The following NDE1 variants were observed in gnomAD, a reference collection of about 807,000 sequenced individuals.
NDE1 encodes nudE neurodevelopment protein 1, also known as nuclear distribution protein nudE homolog 1.
Under a neutral mutation model 43.4 loss-of-function variants are expected in NDE1, and 28 were observed. The observed-to-expected ratio is 0.65, with a 90% CI of 0.48 to 0.89. NDE1 has a LOEUF of 0.89. Ranked by LOEUF, NDE1 falls within the 40% of genes least tolerant of loss-of-function variation. NDE1 has a pLI of 0.00. For synonymous variants in NDE1, 184 were observed against 172.0 expected, an observed-to-expected ratio of 1.07 and a Z score of -0.55; for missense variants, 441 against 434.1, an observed-to-expected ratio of 1.02 and a Z score of -0.14.
chr16:15,675,407 C>T (rs982560306), intron 3 of NDE1, among the ~76,000 whole-genome samples: 3 of 148,442 alleles, frequency 2.0e-5, no homozygotes, highest in African/African-American at 5.0e-5. Context: ...GCCATGTTGC[C>T]AGGCTGGTGA....
intron 3 of NDE1, 31 bp downstream of exon 3, chr16:15,667,470 G>A (rs765597341): frequency 6.2e-7 from 1 of 1,612,194 alleles, no homozygotes; most frequent in Non-Finnish European, 8.5e-7. Flanking sequence ...GTGCTCAGGT[G>A]TAGACAGGCG....
At chr16:15,717,473 C>A in intron 8 of NDE1, 1 of 931,564 alleles carries the variant, frequency 1.1e-6, no homozygotes, top group Non-Finnish European at 1.6e-6. Context: ...ACCCTGTCCT[C>A]TCCTTCATCC....
intron 4 of NDE1, chr16:15,686,454 C>G (rs2038444069): frequency 3.0e-6 from 3 of 985,366 alleles, no homozygotes; most frequent in Non-Finnish European, 3.6e-6. Flanking sequence ...AGCAGGGCAG[C>G]TGGGCTGGTA....
At chr16:15,718,018 A>G (rs1333749702) in intron 8 of NDE1, 2 of 495,396 alleles carry the variant, frequency 4.0e-6, no homozygotes, top group East Asian at 3.8e-5. Flanking sequence ...GCTAGGGGAA[A>G]ACGCAATGAA....
At chr16:15,722,294 A>C (rs929197967) in intron 8 of NDE1, among the ~76,000 whole-genome samples, 1 of 152,200 alleles carries the variant, frequency 6.6e-6, no homozygotes, top group Non-Finnish European at 1.5e-5. Context: ...TATCTTACAA[A>C]AGTATCCTAA....
At chr16:15,687,964 C>T (rs1339882669) in intron 5 of NDE1, among the ~76,000 whole-genome samples, 1 of 151,976 alleles carries the variant, frequency 6.6e-6, no homozygotes, top group Non-Finnish European at 1.5e-5. Context: ...CTCTTGAGCC[C>T]AGGAGTTTGA....
At position 15,691,333 on chromosome 16, in the gene NDE1, G is replaced by A. The variant is rs760671630; in HGVS notation, c.703+10G>A. On this transcript the variant is annotated intron_variant, in intron 6 of 8. Coordinates refer to ENST00000396354, the MANE Select transcript of NDE1 (RefSeq NM_017668.3). Reference sequence around the variant, plus strand: ...GGGAGCTTCAGACGTGGTAAGGGGAGTGGGAATTGCAGGATTTTCTCGGTT... The same window carrying A: ...GGGAGCTTCAGACGTGGTAAGGGGAATGGGAATTGCAGGATTTTCTCGGTT... 15 of 1,613,710 alleles carry A rather than the reference G, an allele frequency of 9.3e-6. No individual in the cohort carries two copies. Among genetic ancestry groups the A allele is most frequent in the Admixed American group, 3.3e-5 (2 of 59,928 alleles).
At chr16:15,667,589 C>A in intron 3 of NDE1, 150 bp downstream of exon 3, 12 of 742,992 alleles carry the variant, frequency 1.6e-5, no homozygotes, top group Non-Finnish European at 2.4e-5. Context: ...CAGACGTGAT[C>A]TTTGAACTCT....
At chr16:15,704,261 C>A in intron 8 of NDE1, 1 of 918,612 alleles carries the variant, frequency 1.1e-6, no homozygotes, top group Non-Finnish European at 1.7e-6. Flanking sequence ...ACACACACGG[C>A]ACAAATAAGA....
intron 8 of NDE1, among the ~76,000 whole-genome samples, chr16:15,699,294 C>G (rs116184504): frequency 0.017 from 2,497 of 148,298 alleles, 72 homozygotes; most frequent in African/African-American, 0.059. Flanking sequence ...GGGTCTCACT[C>G]TGTCACCCAG....
intron 8 of NDE1, among the ~76,000 whole-genome samples, chr16:15,707,967 A>C (rs1187919778): frequency 6.6e-6 from 1 of 151,046 alleles, no homozygotes; most frequent in African/African-American, 2.5e-5. Flanking sequence ...CTCAAAAAAA[A>C]AAAAAAAAAA....
chr16:15,690,284 C>T (rs1397411436), intron 5 of NDE1, among the ~76,000 whole-genome samples: 1 of 149,888 alleles, frequency 6.7e-6, no homozygotes. Flanking sequence ...GCAATCCTCC[C>T]ATCTCGACCT....
chr16:15,710,528 TAATAAA>T (rs2151178762), intron 8 of NDE1, among the ~76,000 whole-genome samples: 1 of 150,978 alleles, frequency 6.6e-6, no homozygotes, highest in East Asian at 2.0e-4. Context: ...TAAAAATAAA[TAATAAA>T]AAGAAAAGAA....
chr16:15,721,193 C>T, intron 8 of NDE1: 1 of 1,017,836 alleles, frequency 9.8e-7, no homozygotes, highest in South Asian at 1.4e-5. Context: ...TCAAGATGAC[C>T]CCTGAGAGTT....
chr16:15,644,125 G>T (rs1169369489), intron 1 of NDE1, among the ~76,000 whole-genome samples: 1 of 152,206 alleles, frequency 6.6e-6, no homozygotes, highest in Non-Finnish European at 1.5e-5. Flanking sequence ...AGCACATATT[G>T]TGTAAGTTAA....
intron 1 of NDE1, among the ~76,000 whole-genome samples, chr16:15,653,734 T>A (rs887007566): frequency 1.0e-4 from 15 of 145,850 alleles, no homozygotes; most frequent in African/African-American, 3.7e-4. Context: ...GTGGAAACAA[T>A]TTTTTTTTTT....
intron 3 of NDE1, among the ~76,000 whole-genome samples, chr16:15,672,329 G>A (rs1411074273): frequency 6.6e-6 from 1 of 152,040 alleles, no homozygotes; most frequent in Non-Finnish European, 1.5e-5. Context: ...GCTACTCGGG[G>A]GCTGAGGCAG....
At chr16:15,652,490 G>A (rs913159807) in intron 1 of NDE1, among the ~76,000 whole-genome samples, 3 of 152,124 alleles carry the variant, frequency 2.0e-5, no homozygotes, top group African/African-American at 4.8e-5. Flanking sequence ...AATGGATGTG[G>A]GTGCTTTTTG....
intron 7 of NDE1, among the ~76,000 whole-genome samples, chr16:15,696,431 G>T (rs892162340): frequency 2.0e-5 from 3 of 151,586 alleles, no homozygotes; most frequent in African/African-American, 4.8e-5. Context: ...GCCCAGGCTG[G>T]TCTCAAACTC....
Sources: gnomAD v4.1 joint callset for allele counts (sites outside exome capture counted in the v4.1 genomes callset) on GRCh38, gnomAD v4.1.1 for gene constraint, MANE v1.5 for transcripts, NCBI Gene and HGNC (gene_info 2026-07-23, HGNC 2026-07-21) for gene names.